SEMA3C: variants seen among roughly 807,000 people sequenced by gnomAD.
The protein encoded by SEMA3C is semaphorin-3C.
In SEMA3C, 47 loss-of-function variants were observed where a neutral mutation model predicts 89.4. The ratio of observed to expected loss-of-function variants is 0.53; its 90% CI spans 0.42 to 0.67. SEMA3C has a LOEUF of 0.67. SEMA3C is among the 30% of genes least tolerant of loss of function. SEMA3C has a pLI of 0.00. For synonymous variants in SEMA3C, 310 were observed against 320.2 expected (o/e 0.97, Z 0.34); for missense variants, 839 against 929.1 (o/e 0.90, Z 1.26).
chr7:80,825,310 C>G (rs1280842222), intron 4 of SEMA3C, among the ~76,000 whole-genome samples: 5 of 152,100 alleles, frequency 3.3e-5, no homozygotes, highest in Non-Finnish European at 7.4e-5. Flanking sequence ...TATTTCCCAG[C>G]ACTCAACAAT....
Position 80,858,020 on chromosome 7 carries a change from T to C in SEMA3C, c.104-29275A>G, listed in dbSNP as rs139397381. Among the ~76,000 whole-genome samples the C allele has an allele frequency of 8.5e-5, 13 of 152,264 alleles. No individual in the cohort carries two copies. The East Asian group carries it at 2.5e-3, about 29-fold the overall frequency. ...ATAATATTCAGATATCAGATTATAA[T>C]ATGGGGAATCCTGTTATGTTATGAT... On this transcript the variant is annotated intron_variant, in intron 2 of 17. Coordinates refer to ENST00000265361, the MANE Select transcript of SEMA3C (RefSeq NM_006379.5).
At chr7:80,826,534 C>G (rs1223705915) in intron 4 of SEMA3C, among the ~76,000 whole-genome samples, 1 of 152,016 alleles carries the variant, frequency 6.6e-6, no homozygotes, top group African/African-American at 2.4e-5. Context: ...TGTCTTTGCA[C>G]CAATTATGTC....
chr7:80,749,196 C>T (rs866386085), intron 16 of SEMA3C, among the ~76,000 whole-genome samples, 168 bp from the exon 17 acceptor site: 8 of 152,204 alleles, frequency 5.3e-5, no homozygotes, highest in East Asian at 3.9e-4. Context: ...AAATAGGATA[C>T]GTTGTTCACC....
At chr7:80,851,504 TAAAAAAAAAAAAAA>T (rs35936052) in intron 2 of SEMA3C, among the ~76,000 whole-genome samples, 2 of 69,804 alleles carry the variant, frequency 2.9e-5, no homozygotes, top group Middle Eastern at 0.012. Flanking sequence ...CTCTTGTCTT[TAAAAAAAAAAAAAA>T]AAAAAAAAAA....
Position 80,744,976 on chromosome 7 carries a change from A to G in SEMA3C, c.2174T>C (p.Met725Thr). The part of the protein sequence containing the change: ...QHQQGDESQK[M>T]RGDYGKLKAL... Reference sequence around the variant, plus strand: ...CTTTAACTTGCCATAGTCCCCTCTCATTTTCTGTGATTCATCTCCCTGCTG... The same window carrying G: ...CTTTAACTTGCCATAGTCCCCTCTCGTTTTCTGTGATTCATCTCCCTGCTG... Residue 725 changes from methionine (M) to threonine (T), a missense_variant, in exon 18 of 18, where the codon ATG becomes ACG. Physicochemically the swap from Met to Thr is moderately conservative, Grantham distance 81. Coordinates refer to ENST00000265361, the MANE Select transcript of SEMA3C (RefSeq NM_006379.5). 6.2e-7 allele frequency: 1 copy of G among 1,613,922 alleles called. No homozygotes were observed. The highest frequency in any genetic ancestry group is 8.5e-7 in the Non-Finnish European group (1 of 1,179,952).
At chr7:80,848,223 A>T (rs1295758248) in intron 2 of SEMA3C, among the ~76,000 whole-genome samples, 3 of 152,156 alleles carry the variant, frequency 2.0e-5, no homozygotes, top group African/African-American at 7.2e-5. Flanking sequence ...TAAAGAGAAA[A>T]CTATTCCAAG....
intron 2 of SEMA3C, among the ~76,000 whole-genome samples, chr7:80,865,631 T>C (rs1790908088): frequency 6.6e-6 from 1 of 151,530 alleles, no homozygotes; most frequent in South Asian, 2.1e-4. Context: ...CTACTAAAAA[T>C]GCAAGAAAAA....
rs1787741511 is a variant in SEMA3C at position 80,744,049 on chromosome 7, T to C, written c.*845A>G. On this transcript the variant is annotated 3_prime_UTR_variant, in exon 18 of 18. Transcript: ENST00000265361. ...ATACTTCAAATTTTTCCTTCTTATA[T>C]TGTTTAATTTGCCACACAGACTAGG... The C allele has an allele frequency of 6.6e-6, 1 of 152,070 alleles. No homozygotes were observed. The highest frequency in any genetic ancestry group is 2.4e-5 in the African/African-American group (1 of 41,442). 9.4% of individuals were successfully genotyped at this position (152,070 alleles called of 1,614,324 possible). A position where few individuals can be genotyped will look rare whatever the true frequency, so the allele number is the denominator to read the frequency against.
rs1162166105 is a variant in SEMA3C, at chr7:80,743,676, T to C, written c.*1218A>G. ...TAATAAAATTATTCTAACATACAATTAGGAGATAATTATTTTATTCATCAC... is the reference window on the plus strand; with the variant it reads ...TAATAAAATTATTCTAACATACAATCAGGAGATAATTATTTTATTCATCAC... On this transcript the variant is annotated 3_prime_UTR_variant, in exon 18 of 18. Coordinates refer to ENST00000265361, the MANE Select transcript of SEMA3C (RefSeq NM_006379.5). 1 of 151,640 alleles carries C rather than the reference T, an allele frequency of 6.6e-6. No individual in the cohort carries two copies. The highest frequency in any genetic ancestry group is 2.4e-5 in the African/African-American group (1 of 41,210). The allele number at this position is 151,640 out of a possible 1,614,324, so 9.4% of individuals were successfully genotyped here.
chr7:80,890,791 T>A (rs1791593327), intron 2 of SEMA3C, among the ~76,000 whole-genome samples: 1 of 152,226 alleles, frequency 6.6e-6, no homozygotes, highest in Admixed American at 6.5e-5. Context: ...TATCACTTTC[T>A]GAAAAATCTC....
rs534983431 is a variant in SEMA3C, at chr7:80,883,456, A to G, written c.103+33223T>C. On this transcript the variant is annotated intron_variant, in intron 2 of 17. Coordinates refer to ENST00000265361, the MANE Select transcript of SEMA3C (RefSeq NM_006379.5). ...AACTGAATCAGAGGTAACTCATCTG[A>G]ATTATCAAACAAAACTAATTATATA... 8.4e-4 allele frequency among the ~76,000 whole-genome samples: 128 copies of G among 152,348 alleles called. 1 individual carries two copies. Among genetic ancestry groups the G allele is most frequent in the African/African-American group, 2.8e-3 (117 of 41,578 alleles).
chr7:80,847,862 T>C (rs1392506712), intron 2 of SEMA3C, among the ~76,000 whole-genome samples: 1 of 152,178 alleles, frequency 6.6e-6, no homozygotes, highest in Non-Finnish European at 1.5e-5. Context: ...ATCATCTCAT[T>C]CAGCCTCAAA....
intron 2 of SEMA3C, among the ~76,000 whole-genome samples, chr7:80,890,613 C>A (rs1019960105): frequency 2.0e-5 from 3 of 152,094 alleles, no homozygotes; most frequent in African/African-American, 7.2e-5. Context: ...GGTGGCTGAA[C>A]TTTCCCCAAC....
chr7:80,782,160 C>T (rs1288212256), intron 12 of SEMA3C, among the ~76,000 whole-genome samples: 9 of 152,148 alleles, frequency 5.9e-5, no homozygotes, highest in African/African-American at 9.7e-5. Context: ...CCCTCTCACC[C>T]CCAATTTTTA....
chr7:80,889,401 T>C (rs1053341203), intron 2 of SEMA3C, among the ~76,000 whole-genome samples: 16 of 152,168 alleles, frequency 1.1e-4, no homozygotes, highest in African/African-American at 3.4e-4. Context: ...TATGAATAAA[T>C]CTTCAAATAA....
intron 2 of SEMA3C, among the ~76,000 whole-genome samples, chr7:80,838,932 C>T (rs1338681989): frequency 6.6e-6 from 1 of 152,220 alleles, no homozygotes; most frequent in African/African-American, 2.4e-5. Flanking sequence ...TTATCACCTA[C>T]AAAAAACATA....
At chr7:80,830,109 G>A (rs932257005) in intron 2 of SEMA3C, among the ~76,000 whole-genome samples, 1 of 152,092 alleles carries the variant, frequency 6.6e-6, no homozygotes, top group African/African-American at 2.4e-5. Flanking sequence ...TATTTTCTGG[G>A]CACATTTGTT....
chr7:80,853,896 G>A (rs553522535), intron 2 of SEMA3C, among the ~76,000 whole-genome samples: 345 of 147,496 alleles, frequency 2.3e-3, no homozygotes, highest in African/African-American at 8.0e-3. Flanking sequence ...ATATATATGT[G>A]TGTGTGTGTG....
At position 80,861,137 on chromosome 7, in the gene SEMA3C, A is replaced by G. The variant is rs986085181; in HGVS notation, c.104-32392T>C. Among the ~76,000 whole-genome samples the G allele has an allele frequency of 3.5e-4, 54 of 152,118 alleles. 1 individual carries two copies. Among genetic ancestry groups the G allele is most frequent in the Admixed American group, 1.8e-3 (27 of 15,238 alleles). On this transcript the variant is annotated intron_variant, in intron 2 of 17. Coordinates refer to ENST00000265361, the MANE Select transcript of SEMA3C (RefSeq NM_006379.5). Reference sequence around the variant, plus strand: ...CACTACAGGGCAGACTTTCAGTATAAAACGCATGAAAAAAATGTTTTCTCC... The same window carrying G: ...CACTACAGGGCAGACTTTCAGTATAGAACGCATGAAAAAAATGTTTTCTCC...
Sources: allele counts gnomAD v4.1 joint callset (sites outside exome capture counted in the v4.1 genomes callset), GRCh38; gene constraint gnomAD v4.1.1; transcripts MANE v1.5; gene names NCBI Gene and HGNC (gene_info 2026-07-23, HGNC 2026-07-21).